Variants in REDIC1 observed in about 807,000 individuals in gnomAD.
REDIC1 encodes HEI10 Interacting Protein 1.
the REDIC1 span, among the ~76,000 whole-genome samples, chr12:39,812,135 A>G: frequency 1.3e-5 from 2 of 152,042 alleles, no homozygotes; most frequent in African/African-American, 4.8e-5. Flanking sequence ...TAGGCACAAG[A>G]AGATTTGGTG....
the REDIC1 span, among the ~76,000 whole-genome samples, chr12:39,668,705 A>C: frequency 1.3e-5 from 2 of 151,938 alleles, no homozygotes; most frequent in Non-Finnish European, 2.9e-5. Flanking sequence ...TCAGACATAG[A>C]TTTGGTCTTT....
At chr12:39,893,724 G>T in the REDIC1 span, among the ~76,000 whole-genome samples, 1 of 152,172 alleles carries the variant, frequency 6.6e-6, no homozygotes, top group African/African-American at 2.4e-5. Context: ...TGGAGTGTGT[G>T]TGTCCTGGTC....
chr12:39,839,536 C>T, the REDIC1 span, among the ~76,000 whole-genome samples: 1 of 151,896 alleles, frequency 6.6e-6, no homozygotes, highest in Non-Finnish European at 1.5e-5. Context: ...TTCCAACATA[C>T]TATTATCATT....
chr12:39,804,484 CA>C, the REDIC1 span, among the ~76,000 whole-genome samples: 1 of 152,058 alleles, frequency 6.6e-6, no homozygotes, highest in Admixed American at 6.5e-5. Context: ...CTGTCAAAAC[CA>C]ATTTATTTAC....
chr12:39,866,820 T>C, the REDIC1 span, among the ~76,000 whole-genome samples: 2 of 152,190 alleles, frequency 1.3e-5, no homozygotes, highest in Non-Finnish European at 2.9e-5. Context: ...TATTATGCTA[T>C]GATTATTATT....
chr12:39,831,752 G>GCCTGGAA, the REDIC1 span, among the ~76,000 whole-genome samples: 13 of 152,026 alleles, frequency 8.6e-5, no homozygotes, highest in Admixed American at 6.6e-4. Flanking sequence ...GTTAAAAAGA[G>GCCTGGAA]CCTGGAACCT....
At chr12:39,844,143 G>A in the REDIC1 span, among the ~76,000 whole-genome samples, 1 of 151,994 alleles carries the variant, frequency 6.6e-6, no homozygotes, top group Admixed American at 6.6e-5. Context: ...AAAAAGCTGT[G>A]CAACACACAT....
At chr12:39,889,027 C>A in the REDIC1 span, among the ~76,000 whole-genome samples, 2 of 151,998 alleles carry the variant, frequency 1.3e-5, no homozygotes, top group Non-Finnish European at 2.9e-5. Context: ...CCAAATTGAG[C>A]AATATAACTT....
the REDIC1 span, among the ~76,000 whole-genome samples, chr12:39,728,680 T>C: frequency 6.6e-6 from 1 of 151,648 alleles, no homozygotes; most frequent in East Asian, 1.9e-4. Context: ...TAGTGAAGAG[T>C]CCCTCTTTTT....
At chr12:39,742,704 CTTGTAGAAGCTTATT>C in the REDIC1 span, among the ~76,000 whole-genome samples, 1 of 152,132 alleles carries the variant, frequency 6.6e-6, no homozygotes, top group Non-Finnish European at 1.5e-5. Flanking sequence ...ATTTTATAGA[CTTGTAGAAGCTTATT>C]CAGTTTCTGG....
the REDIC1 span, chr12:39,647,764 G>A: frequency 7.2e-7 from 1 of 1,389,332 alleles, no homozygotes; most frequent in Non-Finnish European, 9.5e-7. Flanking sequence ...TTTTGGTAAT[G>A]TAAATGATTT....
At chr12:39,875,574 A>G in the REDIC1 span, among the ~76,000 whole-genome samples, 1 of 152,216 alleles carries the variant, frequency 6.6e-6, no homozygotes, top group Admixed American at 6.5e-5. Context: ...AAACGTACTA[A>G]TAAGCAGTAA....
chr12:39,722,948 A>G, the REDIC1 span, among the ~76,000 whole-genome samples: 3 of 152,288 alleles, frequency 2.0e-5, no homozygotes, highest in African/African-American at 7.2e-5. Flanking sequence ...GGAGACGTTG[A>G]GTAAAGCAAT....
chr12:39,711,296 T>A, the REDIC1 span, among the ~76,000 whole-genome samples: 3 of 149,086 alleles, frequency 2.0e-5, no homozygotes, highest in East Asian at 5.9e-4. Flanking sequence ...AGTGTATATA[T>A]AACATATATG....
the REDIC1 span, chr12:39,626,210 A>C: frequency 1.0e-6 from 1 of 964,946 alleles, no homozygotes. Flanking sequence ...GTGGACCAGA[A>C]GGAGCTTACT....
chr12:39,647,338 A>G, the REDIC1 span, among the ~76,000 whole-genome samples: 2 of 152,140 alleles, frequency 1.3e-5, no homozygotes, highest in African/African-American at 4.8e-5. Context: ...AATCAATTAG[A>G]AAATGCATAG....
chr12:39,684,165 T>A, the REDIC1 span: 16 of 1,026,048 alleles, frequency 1.6e-5, no homozygotes, highest in Non-Finnish European at 1.9e-5. Flanking sequence ...TTTACACTCA[T>A]CCATTATGTG....
chr12:39,809,098 T>C, the REDIC1 span, among the ~76,000 whole-genome samples: 1 of 152,160 alleles, frequency 6.6e-6, no homozygotes, highest in Non-Finnish European at 1.5e-5. Flanking sequence ...GGTGTAAGAG[T>C]TGAGGTCCAT....
the REDIC1 span, among the ~76,000 whole-genome samples, chr12:39,640,118 C>A: frequency 6.7e-6 from 1 of 149,324 alleles, no homozygotes; most frequent in African/African-American, 2.5e-5. Flanking sequence ...CCCCCAAGTT[C>A]ATATGTTAAC....
Sources: allele counts gnomAD v4.1 joint callset (sites outside exome capture counted in the v4.1 genomes callset), GRCh38; gene constraint gnomAD v4.1.1; transcripts MANE v1.5; gene names NCBI Gene and HGNC (gene_info 2026-07-23, HGNC 2026-07-21).